Variants in NEK1 observed in about 807,000 individuals in gnomAD.
NEK1 encodes the protein serine/threonine-protein kinase Nek1.
A neutral mutation model predicts 182.1 loss-of-function variants in NEK1; 137 were observed. The ratio of observed to expected loss-of-function variants is 0.75; its 90% CI spans 0.65 to 0.87. The LOEUF (loss-of-function observed/expected upper bound fraction) is 0.87. Among genes scored for constraint, NEK1 ranks in the 40% least tolerant of loss-of-function variants. The pLI, the probability that NEK1 is intolerant of heterozygous loss-of-function variation, is 0.00. For synonymous variants in NEK1, 513 were observed against 492.2 expected, an observed-to-expected ratio of 1.04 and a Z score of -0.56; for missense variants, 1,391 against 1,494.4, an observed-to-expected ratio of 0.93 and a Z score of 1.14.
intron 18 of NEK1, among the ~76,000 whole-genome samples, chr4:169,547,073 G>A (rs892496257): frequency 1.3e-5 from 2 of 152,164 alleles, no homozygotes; most frequent in African/African-American, 4.8e-5. Context: ...TAGTATCTAT[G>A]GTGCTTACAT....
chr4:169,477,143 T>A lies in NEK1; in HGVS notation c.2415A>T (p.Thr805=), dbSNP rs909668642. ...ACATACTTTCAGTTGTAGAGAAGGA[T>A]GTATCTAGTGTTAACTCATCCAGAG... The part of the protein sequence containing the change: ...VIPLDELTLD[T]SFSTTERHTV... Residue 805 remains threonine, a synonymous_variant, in exon 26 of 36, where the codon ACA becomes ACT. Coordinates refer to ENST00000507142, the MANE Select transcript of NEK1 (RefSeq NM_001199397.3). 2.5e-6 allele frequency: 4 copies of A among 1,601,682 alleles called. No homozygotes were observed. Among genetic ancestry groups the A allele is most frequent in the Non-Finnish European group, 2.6e-6 (3 of 1,173,120 alleles).
intron 18 of NEK1, among the ~76,000 whole-genome samples, chr4:169,540,679 A>AC (rs1759260015): frequency 6.6e-6 from 1 of 152,082 alleles, no homozygotes; most frequent in African/African-American, 2.4e-5. Flanking sequence ...TAAAACACTG[A>AC]CCCCGATTAA....
intron 30 of NEK1, 63 bp downstream of exon 30, chr4:169,426,083 G>A (rs1282253269): frequency 8.4e-7 from 1 of 1,188,228 alleles, no homozygotes; most frequent in Non-Finnish European, 1.2e-6. Context: ...AAATAAAACA[G>A]GTTGATGTTA....
At chr4:169,403,878 A>G (rs1008230728) in intron 32 of NEK1, among the ~76,000 whole-genome samples, 3 of 151,414 alleles carry the variant, frequency 2.0e-5, no homozygotes, top group African/African-American at 7.3e-5. Flanking sequence ...AGACAAAAAA[A>G]AATAATAATA....
intron 31 of NEK1, among the ~76,000 whole-genome samples, chr4:169,412,815 G>T (rs1733889529): frequency 6.8e-6 from 1 of 146,544 alleles, no homozygotes; most frequent in African/African-American, 2.5e-5. Context: ...TGTGGCAACA[G>T]AAAGGAGAAA....
chr4:169,569,530 C>T (rs900943529), intron 12 of NEK1, among the ~76,000 whole-genome samples: 1 of 150,740 alleles, frequency 6.6e-6, no homozygotes, highest in South Asian at 2.1e-4. Flanking sequence ...CACAGTCTCC[C>T]TCTGATGCCG....
At chr4:169,449,475 C>T (rs1741285389) in intron 27 of NEK1, among the ~76,000 whole-genome samples, 1 of 152,164 alleles carries the variant, frequency 6.6e-6, no homozygotes, top group African/African-American at 2.4e-5. Flanking sequence ...GATCAGGCAG[C>T]AATATTTGCT....
intron 31 of NEK1, among the ~76,000 whole-genome samples, chr4:169,414,403 T>C (rs376011745): frequency 3.7e-4 from 56 of 152,158 alleles, no homozygotes; most frequent in African/African-American, 1.2e-3. Flanking sequence ...TTATTGGTTG[T>C]TATCCAATAA....
intron 28 of NEK1, among the ~76,000 whole-genome samples, chr4:169,437,279 T>G (rs1240785642): frequency 1.3e-5 from 2 of 152,124 alleles, no homozygotes; most frequent in Non-Finnish European, 2.9e-5. Context: ...CAAAGACCTG[T>G]AGATGAGAAA....
intron 32 of NEK1, among the ~76,000 whole-genome samples, chr4:169,403,197 A>G (rs1447496657): frequency 2.6e-5 from 4 of 152,204 alleles, no homozygotes; most frequent in African/African-American, 9.7e-5. Context: ...AAAGCAAAGC[A>G]TCTAATTAGA....
intron 26 of NEK1, among the ~76,000 whole-genome samples, chr4:169,474,166 A>C (rs1234467406): frequency 6.6e-6 from 1 of 152,208 alleles, no homozygotes. Context: ...GCATGTTTTA[A>C]GAAGTGAAAG....
intron 31 of NEK1, among the ~76,000 whole-genome samples, chr4:169,422,762 T>A (rs536257614): frequency 6.6e-6 from 1 of 152,204 alleles, no homozygotes; most frequent in Non-Finnish European, 1.5e-5. Flanking sequence ...AGTTCTTCTA[T>A]AGAACTCTTA....
At chr4:169,401,043 G>C (rs1184876060) in intron 33 of NEK1, among the ~76,000 whole-genome samples, 7 of 152,090 alleles carry the variant, frequency 4.6e-5, no homozygotes, top group Non-Finnish European at 8.8e-5. Flanking sequence ...GCAAAAGGTA[G>C]ACAACCTAAG....
At chr4:169,464,984 A>G (rs370198444) in intron 26 of NEK1, among the ~76,000 whole-genome samples, 6 of 152,238 alleles carry the variant, frequency 3.9e-5, no homozygotes, top group African/African-American at 1.4e-4. Flanking sequence ...GTATACAGGT[A>G]CCTAGTAGTA....
intron 18 of NEK1, 78 bp from the exon 19 acceptor site, chr4:169,537,989 A>AT (rs981667062): frequency 4.3e-4 from 442 of 1,023,908 alleles, no homozygotes; most frequent in Non-Finnish European, 4.9e-4. Flanking sequence ...TTTATCCTAA[A>AT]TTTTTTTTTC....
At chr4:169,454,560 CAACA>C (rs1742472210) in intron 27 of NEK1, among the ~76,000 whole-genome samples, 2 of 152,042 alleles carry the variant, frequency 1.3e-5, no homozygotes, top group Admixed American at 6.6e-5. Context: ...TTTATGTGGC[CAACA>C]AACATATGAA....
intron 29 of NEK1, among the ~76,000 whole-genome samples, chr4:169,429,755 C>T (rs1395513439): frequency 6.6e-6 from 1 of 152,164 alleles, no homozygotes; most frequent in Non-Finnish European, 1.5e-5. Context: ...AAGTATCATA[C>T]TGTTGTATTT....
chr4:169,475,202 G>A (rs932080399), intron 26 of NEK1, among the ~76,000 whole-genome samples: 6 of 152,128 alleles, frequency 3.9e-5, no homozygotes, highest in African/African-American at 1.4e-4. Flanking sequence ...GCAGATGGTA[G>A]CCCTGAGTAT....
chr4:169,559,272 A>C (rs1182745192), intron 16 of NEK1, among the ~76,000 whole-genome samples: 1 of 152,198 alleles, frequency 6.6e-6, no homozygotes, highest in Non-Finnish European at 1.5e-5. Context: ...GGACTTGATA[A>C]AAAAATGCTT....
Sources: allele counts gnomAD v4.1 joint callset (sites outside exome capture counted in the v4.1 genomes callset), GRCh38; gene constraint gnomAD v4.1.1; transcripts MANE v1.5; gene names NCBI Gene and HGNC (gene_info 2026-07-23, HGNC 2026-07-21).